Variants in DPYD observed in about 807,000 individuals in gnomAD.
DPYD encodes dihydropyrimidine dehydrogenase, also known as dihydropyrimidine dehydrogenase [NADP(+)].
A neutral mutation model predicts 116.2 loss-of-function variants in DPYD; 109 were observed. The ratio of observed to expected loss-of-function variants is 0.94; its 90% confidence interval spans 0.80 to 1.10. DPYD has a LOEUF of 1.10. DPYD is among the 50% of genes least tolerant of loss of function. DPYD has a pLI of 0.00. For synonymous variants in DPYD, 440 were observed against 432.0 expected (o/e 1.02, Z -0.23); for missense variants, 1,302 against 1,254.5 (o/e 1.04, Z -0.57).
At chr1:97,565,639 C>A (rs2102150279) in intron 11 of DPYD, among the ~76,000 whole-genome samples, 1 of 152,220 alleles carries the variant, frequency 6.6e-6, no homozygotes, top group South Asian at 2.1e-4. Context: ...AGCTCTAAAA[C>A]CCATTCCAAA....
chr1:97,339,101 C>G (rs1669458967), intron 16 of DPYD, among the ~76,000 whole-genome samples: 1 of 151,414 alleles, frequency 6.6e-6, no homozygotes. Context: ...CTGCTGAGAC[C>G]TGAATTAACT....
intron 20 of DPYD, among the ~76,000 whole-genome samples, chr1:97,180,573 T>G (rs1570616008): frequency 6.6e-6 from 1 of 152,170 alleles, no homozygotes; most frequent in African/African-American, 2.4e-5. Context: ...AGTAATGATT[T>G]CATTTTAAAT....
intron 1 of DPYD, among the ~76,000 whole-genome samples, chr1:97,893,866 C>A (rs1355292276): frequency 6.6e-6 from 1 of 151,274 alleles, no homozygotes; most frequent in Non-Finnish European, 1.5e-5. Context: ...TAAATGATCT[C>A]TATGTGAAAA....
intron 7 of DPYD, among the ~76,000 whole-genome samples, chr1:97,688,468 T>A (rs1291954312): frequency 1.3e-5 from 2 of 152,062 alleles, no homozygotes; most frequent in African/African-American, 4.8e-5. Context: ...GGAAAAAACT[T>A]ATAGACGATA....
chr1:97,474,508 T>C (rs549434871), intron 13 of DPYD, among the ~76,000 whole-genome samples: 35 of 152,072 alleles, frequency 2.3e-4, no homozygotes, highest in African/African-American at 7.7e-4. Flanking sequence ...ATCAACTTAA[T>C]ACAGACTTAC....
At chr1:97,822,961 A>C (rs1023245) in intron 3 of DPYD, among the ~76,000 whole-genome samples, 125,171 of 152,142 alleles carry the variant, frequency 0.82, 51,711 homozygotes, top group East Asian at 0.98. Flanking sequence ...ATGTCTTTTA[A>C]TTTTGTGATT....
Position 97,258,927 on chromosome 1 carries a change from C to T in DPYD, c.2300-23933G>A, listed in dbSNP as rs192499117. Among the ~76,000 whole-genome samples, 4 of 152,112 alleles carry T rather than the reference C, an allele frequency of 2.6e-5. 1 individual carries two copies. The highest frequency in any genetic ancestry group is 4.8e-5 in the African/African-American group (2 of 41,526). On this transcript the variant is annotated intron_variant, in intron 18 of 22. Coordinates refer to ENST00000370192, the MANE Select transcript of DPYD (RefSeq NM_000110.4). Reference sequence around the variant, plus strand: ...TGACATAAAAGATTTCATTCACATTCGGAGATGGACTATATAAAACCTTGT... The same window carrying T: ...TGACATAAAAGATTTCATTCACATTTGGAGATGGACTATATAAAACCTTGT...
chr1:97,838,882 A>G (rs1162757249), intron 2 of DPYD, among the ~76,000 whole-genome samples: 1 of 152,104 alleles, frequency 6.6e-6, no homozygotes, highest in Admixed American at 6.5e-5. Flanking sequence ...AAATAAAAGA[A>G]CTTGAGTATT....
chr1:97,728,706 T>C (rs1018223840), intron 4 of DPYD, among the ~76,000 whole-genome samples: 7 of 152,058 alleles, frequency 4.6e-5, no homozygotes, highest in African/African-American at 1.4e-4. Flanking sequence ...GAAGGGTGAA[T>C]TAACATTACT....
In DPYD at chr1:97,772,915, T is replaced by C. The variant is rs1666217078; in HGVS notation, c.234-32436A>G. On this transcript the variant is annotated intron_variant, in intron 3 of 22. Transcript: ENST00000370192. The stretch of plus-strand genomic sequence containing the variant: ...TCTGAAGAGGATGGATGGTCTCTGA[T>C]AGAGCTCTATACAGATGATTTTCCA... Among the ~76,000 whole-genome samples, 4 of 152,246 alleles carry C rather than the reference T, an allele frequency of 2.6e-5. No individual in the cohort carries two copies. The South Asian group carries it at 8.3e-4, about 31-fold the overall frequency.
chr1:97,114,350 G>C (rs1651813161), intron 20 of DPYD, among the ~76,000 whole-genome samples: 1 of 151,984 alleles, frequency 6.6e-6, no homozygotes, highest in South Asian at 2.1e-4. Flanking sequence ...GAATTTTTTA[G>C]GTTAAAGACT....
At chr1:97,119,962 C>T (rs978293263) in intron 20 of DPYD, among the ~76,000 whole-genome samples, 3 of 152,142 alleles carry the variant, frequency 2.0e-5, no homozygotes, top group African/African-American at 7.2e-5. Context: ...TAATTCTCAT[C>T]CACACAAAAG....
chr1:97,694,868 G>A (rs978634473), intron 6 of DPYD, among the ~76,000 whole-genome samples: 27 of 152,150 alleles, frequency 1.8e-4, no homozygotes, highest in African/African-American at 6.3e-4. Flanking sequence ...TCTCTGGTGA[G>A]TCTAAATTCT....
intron 20 of DPYD, among the ~76,000 whole-genome samples, chr1:97,151,863 C>T (rs1242687550): frequency 2.6e-5 from 4 of 152,094 alleles, no homozygotes; most frequent in African/African-American, 7.2e-5. Flanking sequence ...TACTAATGGT[C>T]ATACTCTACT....
chr1:97,443,733 C>T (rs1675928320), intron 14 of DPYD, among the ~76,000 whole-genome samples: 1 of 152,184 alleles, frequency 6.6e-6, no homozygotes, highest in Admixed American at 6.5e-5. Flanking sequence ...TATAGTTTCA[C>T]CTGTTACAAA....
intron 16 of DPYD, among the ~76,000 whole-genome samples, chr1:97,373,335 A>G (rs933416575): frequency 3.3e-5 from 5 of 152,218 alleles, no homozygotes; most frequent in Non-Finnish European, 5.9e-5. Flanking sequence ...ACTTCCTGTC[A>G]AGCACATAAT....
intron 3 of DPYD, among the ~76,000 whole-genome samples, chr1:97,792,975 T>C (rs1346931863): frequency 1.3e-5 from 2 of 152,162 alleles, no homozygotes; most frequent in Non-Finnish European, 2.9e-5. Context: ...GAACATTATG[T>C]AAAAACTGAG....
chr1:97,241,170 T>C (rs1662312855), intron 18 of DPYD, among the ~76,000 whole-genome samples: 1 of 152,062 alleles, frequency 6.6e-6, no homozygotes, highest in South Asian at 2.1e-4. Flanking sequence ...AATATGTTCC[T>C]AGTGGATTCA....
chr1:97,147,346 CAAAA>C (rs1654701050), intron 20 of DPYD, among the ~76,000 whole-genome samples: 1 of 133,156 alleles, frequency 7.5e-6, no homozygotes, highest in Non-Finnish European at 1.7e-5. Context: ...GACTCTGTCT[CAAAA>C]AACAAACAAA....
Sources: gnomAD v4.1 joint callset for allele counts (sites outside exome capture counted in the v4.1 genomes callset) on GRCh38, gnomAD v4.1.1 for gene constraint, MANE v1.5 for transcripts, NCBI Gene and HGNC (gene_info 2026-07-23, HGNC 2026-07-21) for gene names.